Variants in GABRP observed in about 807,000 individuals in gnomAD.
GABRP encodes the protein gamma-aminobutyric acid receptor subunit pi.
GABRP carries 52 observed loss-of-function variants against 47.8 expected under a neutral mutation model. The ratio of observed to expected loss-of-function variants is 1.09; its 90% confidence interval spans 0.87 to 1.37. The LOEUF is 1.37. Among genes scored for constraint, GABRP ranks in the 40% most tolerant of loss-of-function variants. The probability of loss-of-function intolerance (pLI) is 0.00; values close to 1 mark genes in which losing one functional copy is unlikely to be tolerated. For missense variants in GABRP, 525 were observed against 542.8 expected, an observed-to-expected ratio of 0.97 and a Z score of 0.33; for synonymous variants, 221 against 205.8, an observed-to-expected ratio of 1.07 and a Z score of -0.63.
At chr5:170,795,112 G>T in intron 4 of GABRP, 96 bp from the exon 5 acceptor site, 1 of 827,364 alleles carries the variant, frequency 1.2e-6, no homozygotes, top group Non-Finnish European at 2.1e-6. Flanking sequence ...AAGTGGAGGT[G>T]GGGAGGGGAG....
At chr5:170,791,058 G>A (rs766770174) in intron 3 of GABRP, among the ~76,000 whole-genome samples, 2 of 152,200 alleles carry the variant, frequency 1.3e-5, no homozygotes, top group Non-Finnish European at 2.9e-5. Context: ...GCCTTGGTTA[G>A]TGCCACTCAA....
intron 1 of GABRP, among the ~76,000 whole-genome samples, chr5:170,784,130 T>A (rs754744794): frequency 1.3e-5 from 2 of 152,180 alleles, no homozygotes; most frequent in Non-Finnish European, 2.9e-5. Context: ...GCCGCACCAC[T>A]TTATCTTCTG....
chr5:170,793,731 A>G (rs1274792470), intron 3 of GABRP, among the ~76,000 whole-genome samples: 2 of 152,154 alleles, frequency 1.3e-5, no homozygotes, highest in Non-Finnish European at 1.5e-5. Flanking sequence ...TCTTAGCACT[A>G]TGTTCCTTAT....
intron 1 of GABRP, among the ~76,000 whole-genome samples, chr5:170,784,176 T>C (rs1000974963): frequency 1.3e-5 from 2 of 152,206 alleles, no homozygotes; most frequent in African/African-American, 4.8e-5. Context: ...CAATAATGCC[T>C]TTCCTCACCT....
chr5:170,788,835 A>G (rs1765191367), intron 2 of GABRP, among the ~76,000 whole-genome samples, 167 bp downstream of exon 2: 1 of 152,234 alleles, frequency 6.6e-6, no homozygotes, highest in Admixed American at 6.5e-5. Flanking sequence ...CTCTATTTAC[A>G]GAACACAAGC....
intron 1 of GABRP, among the ~76,000 whole-genome samples, chr5:170,786,324 T>A (rs1765130573): frequency 6.6e-6 from 1 of 152,192 alleles, no homozygotes; most frequent in Non-Finnish European, 1.5e-5. Flanking sequence ...ATAACTGGTA[T>A]TTTCAATGAG....
chr5:170,795,511 C>T, intron 5 of GABRP, 86 bp downstream of exon 5: 1 of 1,052,492 alleles, frequency 9.5e-7, no homozygotes, highest in African/African-American at 1.6e-5. Flanking sequence ...GTGACCAGAA[C>T]TCAAATAGCC....
intron 6 of GABRP, among the ~76,000 whole-genome samples, chr5:170,803,151 CACAG>C (rs1043954572): frequency 5.3e-5 from 8 of 152,002 alleles, no homozygotes; most frequent in African/African-American, 1.9e-4. Context: ...AGGGAAAGTC[CACAG>C]ACAGTTTTTA....
intron 6 of GABRP, 89 bp downstream of exon 6, chr5:170,797,637 C>G: frequency 1.3e-6 from 1 of 775,274 alleles, no homozygotes; most frequent in South Asian, 1.4e-5. Flanking sequence ...ACACAGTGAC[C>G]TTTCTTTTCT....
At chr5:170,791,421 A>G (rs1479953770) in intron 3 of GABRP, among the ~76,000 whole-genome samples, 1 of 152,232 alleles carries the variant, frequency 6.6e-6, no homozygotes, top group Non-Finnish European at 1.5e-5. Context: ...CCAAGTCCAA[A>G]AGAGACAAGA....
At chr5:170,799,604 C>T (rs1765532933) in intron 6 of GABRP, among the ~76,000 whole-genome samples, 1 of 152,152 alleles carries the variant, frequency 6.6e-6, no homozygotes, top group East Asian at 1.9e-4. Context: ...TGTTCATATC[C>T]TTCGCCCACT....
intron 1 of GABRP, among the ~76,000 whole-genome samples, chr5:170,787,617 G>A (rs764055044): frequency 2.4e-5 from 3 of 126,694 alleles, no homozygotes; most frequent in African/African-American, 1.0e-4. Flanking sequence ...GAGAGTACCG[G>A]GGGGGAGGCA....
chr5:170,807,239 A>G (rs1238184914), intron 7 of GABRP, among the ~76,000 whole-genome samples: 1 of 152,166 alleles, frequency 6.6e-6, no homozygotes. Flanking sequence ...TGAGCCACCA[A>G]GCCTGGCTTT....
chr5:170,784,792 G>A (rs1016223769), intron 1 of GABRP, among the ~76,000 whole-genome samples: 2 of 152,182 alleles, frequency 1.3e-5, no homozygotes, highest in Admixed American at 6.5e-5. Context: ...TAAATGACTC[G>A]GGTGTATCAG....
chr5:170,807,141 G>T (rs1312008891), intron 7 of GABRP, among the ~76,000 whole-genome samples: 2 of 151,506 alleles, frequency 1.3e-5, no homozygotes, highest in Admixed American at 6.6e-5. Flanking sequence ...TAGAGATGAG[G>T]TTACATCATG....
intron 5 of GABRP, among the ~76,000 whole-genome samples, chr5:170,796,689 C>T (rs1297963934): frequency 3.3e-5 from 5 of 152,174 alleles, no homozygotes; most frequent in African/African-American, 1.2e-4. Flanking sequence ...TCACAGTAAG[C>T]ACTCAGTAAA....
rs769952960 is a variant in GABRP at position 170,808,669 on chromosome 5, A to G, written c.749A>G (p.Tyr250Cys). The change falls in exon 8 of 10, where the codon TAC becomes TGC. Residue 250 changes from tyrosine (Y) to cysteine (C), a missense_variant. Transcript: ENST00000265294. ...GTTCTGTATTTCATTTTGGAAACCT[A>G]CGTTCCTTCCACTTTCCTGGTGGTG... ...RNVLYFILET[Y>C]VPSTFLVVLS... The G allele has an allele frequency of 2.7e-5, 43 of 1,613,924 alleles. No homozygotes were observed. The highest frequency in any genetic ancestry group is 3.6e-5 in the Non-Finnish European group (42 of 1,179,820).
chr5:170,785,225 A>T (rs1017381587), intron 1 of GABRP, among the ~76,000 whole-genome samples: 7 of 152,232 alleles, frequency 4.6e-5, no homozygotes, highest in Non-Finnish European at 8.8e-5. Flanking sequence ...AAAGGACAAG[A>T]TTCAAGTGGA....
intron 2 of GABRP, 145 bp from the exon 3 acceptor site, chr5:170,788,984 G>T (rs1293006874): frequency 1.4e-6 from 1 of 706,784 alleles, no homozygotes; most frequent in African/African-American, 1.8e-5. Flanking sequence ...AAAACTAAGA[G>T]ATTTTTCTGT....
Sources: allele counts gnomAD v4.1 joint callset (sites outside exome capture counted in the v4.1 genomes callset), GRCh38; gene constraint gnomAD v4.1.1; transcripts MANE v1.5; gene names NCBI Gene and HGNC (gene_info 2026-07-23, HGNC 2026-07-21).